Variants in FBXL2 observed in about 807,000 individuals in gnomAD.
FBXL2 encodes F-box/LRR-repeat protein 2.
In FBXL2, 38 loss-of-function variants were observed where a neutral mutation model predicts 69.2. That is an observed-to-expected ratio of 0.55 (90% confidence interval 0.42 to 0.72). The LOEUF is 0.72. Ranked by LOEUF, FBXL2 falls within the 30% of genes least tolerant of loss-of-function variation. The pLI, the probability that FBXL2 is intolerant of heterozygous loss-of-function variation, is 0.00. For missense variants in FBXL2, 354 were observed against 520.3 expected, an observed-to-expected ratio of 0.68 and a Z score of 3.11; for synonymous variants, 192 against 201.3, an observed-to-expected ratio of 0.95 and a Z score of 0.39.
chr3:33,300,215 T>C (rs2036148648), intron 2 of FBXL2, among the ~76,000 whole-genome samples: 1 of 152,118 alleles, frequency 6.6e-6, no homozygotes, highest in South Asian at 2.1e-4. Context: ...TCTGGTGGGG[T>C]TTGCTTTTGT....
chr3:33,288,242 C>G (rs182717219), intron 1 of FBXL2, among the ~76,000 whole-genome samples: 5 of 152,264 alleles, frequency 3.3e-5, no homozygotes, highest in African/African-American at 1.2e-4. Context: ...CTGCGTCTTT[C>G]CATTGATTTT....
At chr3:33,319,227 C>G (rs749299856) in intron 2 of FBXL2, among the ~76,000 whole-genome samples, 6 of 151,732 alleles carry the variant, frequency 4.0e-5, no homozygotes, top group Non-Finnish European at 8.8e-5. Context: ...GTGCCCATGG[C>G]AAGTTTATCT....
chr3:33,374,922 GC>G (rs1226372820), intron 9 of FBXL2, among the ~76,000 whole-genome samples: 1 of 152,036 alleles, frequency 6.6e-6, no homozygotes, highest in Non-Finnish European at 1.5e-5. Context: ...AACTAGGAAA[GC>G]CTCAAAAGTT....
intron 1 of FBXL2, among the ~76,000 whole-genome samples, chr3:33,285,495 T>C (rs1448847073): frequency 6.6e-6 from 1 of 152,220 alleles, no homozygotes; most frequent in East Asian, 1.9e-4. Context: ...ATTTCAACTT[T>C]GGTGAATCTG....
chr3:33,393,702 C>T (rs2043858055), intron 12 of FBXL2, among the ~76,000 whole-genome samples: 2 of 152,050 alleles, frequency 1.3e-5, no homozygotes, highest in Non-Finnish European at 2.9e-5. Context: ...TAACAGAAAT[C>T]CCTGGACAAA....
intron 2 of FBXL2, among the ~76,000 whole-genome samples, chr3:33,307,092 A>G (rs1462460484): frequency 6.6e-6 from 1 of 152,160 alleles, no homozygotes; most frequent in African/African-American, 2.4e-5. Context: ...TAGTCTTTCC[A>G]CTAGATAAAT....
intron 4 of FBXL2, among the ~76,000 whole-genome samples, chr3:33,360,014 C>T (rs896432284): frequency 1.3e-5 from 2 of 151,934 alleles, no homozygotes; most frequent in African/African-American, 4.8e-5. Flanking sequence ...AAAGTTTAGG[C>T]AGGGAATAAA....
At chr3:33,314,807 G>A (rs1045793023) in intron 2 of FBXL2, among the ~76,000 whole-genome samples, 8 of 152,090 alleles carry the variant, frequency 5.3e-5, no homozygotes, top group African/African-American at 1.9e-4. Context: ...GCCAATACAA[G>A]TTTTCCAAAA....
At chr3:33,402,071 T>A (rs1487314083) in intron 12 of FBXL2, among the ~76,000 whole-genome samples, 1 of 152,210 alleles carries the variant, frequency 6.6e-6, no homozygotes, top group Non-Finnish European at 1.5e-5. Flanking sequence ...GAGAACCTTT[T>A]TCTTTGTGAT....
rs13060761 is a variant in FBXL2 at position 33,387,639 on chromosome 3, C to A, written c.*2031C>A. ...AAACAAAACAAACAAACAAACAAAA[C>A]AAACCACCAGAGCCTTCTATACATG... On this transcript the variant is annotated 3_prime_UTR_variant, in exon 15 of 15. Transcript: ENST00000484457. The A allele has an allele frequency of 0.45, 68,553 of 151,158 alleles. 15,798 individuals carry two copies. The highest frequency in any genetic ancestry group is 0.57 in the East Asian group (2,945 of 5,130). The allele number at this position is 151,158 out of a possible 1,614,324, so 9.4% of individuals were successfully genotyped here. A position where few individuals can be genotyped will look rare whatever the true frequency, so the allele number is the denominator to read the frequency against.
chr3:33,404,037 G>T (rs576480467), downstream of FBXL2, among the ~76,000 whole-genome samples: 3 of 152,316 alleles, frequency 2.0e-5, no homozygotes, highest in Admixed American at 2.0e-4. Flanking sequence ...GATAGCCCAG[G>T]ATAGCTTGAG....
chr3:33,395,183 T>C (rs1195203270), intron 12 of FBXL2, among the ~76,000 whole-genome samples: 1 of 152,226 alleles, frequency 6.6e-6, no homozygotes, highest in African/African-American at 2.4e-5. Context: ...TCAGAGCTTT[T>C]GAAGTCAAAA....
At chr3:33,383,958 GCAAA>G in intron 13 of FBXL2, 27 bp from the exon 14 acceptor site, 1 of 1,605,440 alleles carries the variant, frequency 6.2e-7, no homozygotes, top group Non-Finnish European at 8.5e-7. Flanking sequence ...TAAGGGTCCT[GCAAA>G]CATTTACTCA....
intron 1 of FBXL2, among the ~76,000 whole-genome samples, chr3:33,285,523 T>A (rs2034515565): frequency 6.6e-6 from 1 of 152,166 alleles, no homozygotes; most frequent in African/African-American, 2.4e-5. Flanking sequence ...TGTGTCTTGG[T>A]ATTGCTCTTC....
intron 2 of FBXL2, among the ~76,000 whole-genome samples, chr3:33,357,566 G>A (rs112661939): frequency 0.029 from 3,537 of 123,124 alleles, 75 homozygotes; most frequent in Middle Eastern, 0.098. Flanking sequence ...GAGTCTCGCT[G>A]TCGCCCAGGT....
chr3:33,304,706 T>C (rs1024672829), intron 2 of FBXL2, among the ~76,000 whole-genome samples: 1 of 152,076 alleles, frequency 6.6e-6, no homozygotes. Context: ...TTTAACTTTA[T>C]AAAGAAATAT....
At chr3:33,413,558 A>AC in the FBXL2 span, among the ~76,000 whole-genome samples, 1 of 151,866 alleles carries the variant, frequency 6.6e-6, no homozygotes, top group Non-Finnish European at 1.5e-5. Flanking sequence ...AAAAAAAAAA[A>AC]AAAAAAACTT....
chr3:33,363,725 C>T (rs1575347368), intron 4 of FBXL2, among the ~76,000 whole-genome samples: 1 of 152,196 alleles, frequency 6.6e-6, no homozygotes, highest in Non-Finnish European at 1.5e-5. Flanking sequence ...CACACATACT[C>T]TTTCTTACCT....
chr3:33,283,942 C>T (rs554365459), intron 1 of FBXL2, among the ~76,000 whole-genome samples: 3 of 152,042 alleles, frequency 2.0e-5, no homozygotes, highest in African/African-American at 4.8e-5. Flanking sequence ...TCTCTCTTTT[C>T]TTCTTTATTA....
Sources: gnomAD v4.1 joint callset for allele counts (sites outside exome capture counted in the v4.1 genomes callset) on GRCh38, gnomAD v4.1.1 for gene constraint, MANE v1.5 for transcripts, NCBI Gene and HGNC (gene_info 2026-07-23, HGNC 2026-07-21) for gene names.